Variants in SH3BGRL observed in about 807,000 individuals in gnomAD.
SH3BGRL encodes the protein adapter SH3BGRL.
SH3BGRL carries 7 observed loss-of-function variants against 9.8 expected under a neutral mutation model. That is an observed-to-expected ratio of 0.72 (90% CI 0.41 to 1.35). The LOEUF is 1.35. SH3BGRL is among the 40% of genes most tolerant of loss of function. The probability of loss-of-function intolerance (pLI) is 0.01; values close to 1 mark genes in which losing one functional copy is unlikely to be tolerated. For synonymous variants in SH3BGRL, 36 were observed against 29.1 expected (o/e 1.24, Z -0.76); for missense variants, 73 against 84.4 (o/e 0.86, Z 0.53).
intron 1 of SH3BGRL, among the ~76,000 whole-genome samples, chrX:81,212,839 T>C (rs1337584475): frequency 8.9e-6 from 1 of 112,167 alleles, no homozygotes; most frequent in East Asian, 2.8e-4. Context: ...CTAGGTTTCA[T>C]GAAAACTCAA....
At chrX:81,206,269 T>C (rs916359447) in intron 1 of SH3BGRL, among the ~76,000 whole-genome samples, 1 of 111,481 alleles carries the variant, frequency 9.0e-6, no homozygotes, top group Admixed American at 9.6e-5. Flanking sequence ...TTTGAGGTTT[T>C]ACCCAAAAAA....
chrX:81,277,992 C>G (rs931249976), intron 2 of SH3BGRL, among the ~76,000 whole-genome samples: 11 of 111,694 alleles, frequency 9.8e-5, no homozygotes, highest in African/African-American at 2.9e-4. Context: ...GATGGAGTTT[C>G]CCTCCTGTTG....
chrX:81,272,760 A>G (rs1176762521), intron 1 of SH3BGRL, among the ~76,000 whole-genome samples: 2 of 110,736 alleles, frequency 1.8e-5, no homozygotes, highest in Non-Finnish European at 3.8e-5. Context: ...CGGCTTCCCA[A>G]AGTGCTGGGA....
intron 1 of SH3BGRL, among the ~76,000 whole-genome samples, chrX:81,264,856 T>A (rs1405970877): frequency 9.1e-6 from 1 of 110,346 alleles, no homozygotes; most frequent in Non-Finnish European, 1.9e-5. Flanking sequence ...TCTGAAGAAA[T>A]GGGAAAATGA....
rs371252205 is a variant in SH3BGRL at position 81,233,010 on chromosome X, C to T, written c.45+30765C>T. Among the ~76,000 whole-genome samples, 13 of 111,515 alleles carry T rather than the reference C, an allele frequency of 1.2e-4. No homozygotes were observed. The East Asian group carries it at 2.2e-3, about 19-fold the overall frequency. On this transcript the variant is annotated intron_variant, in intron 1 of 3. Transcript: ENST00000373212. ...TGCTAGAGATGACTACTGCCTCATTCTTCTCACTGGAGGATATCATACAAC... is the reference window on the plus strand; with the variant it reads ...TGCTAGAGATGACTACTGCCTCATTTTTCTCACTGGAGGATATCATACAAC...
chrX:81,281,699 A>G lies in SH3BGRL; in HGVS notation c.312+3288A>G, dbSNP rs536432676. ...AATCCTGGAAACACATCAAAACAGA[A>G]CCTCTTTAAGGCATAAATCACACAG... On this transcript the variant is annotated intron_variant, in intron 3 of 3. Transcript: ENST00000373212. Among the ~76,000 whole-genome samples, 66 of 111,830 alleles carry G rather than the reference A, an allele frequency of 5.9e-4. No homozygotes were observed. The South Asian group carries it at 0.024, about 41-fold the overall frequency.
intron 1 of SH3BGRL, among the ~76,000 whole-genome samples, chrX:81,218,911 C>A (rs1305899934): frequency 9.2e-6 from 1 of 109,067 alleles, no homozygotes; most frequent in Non-Finnish European, 1.9e-5. Flanking sequence ...AAGGACTTCA[C>A]CAAAAAATCC....
At chrX:81,250,806 T>C (rs1353619551) in intron 1 of SH3BGRL, among the ~76,000 whole-genome samples, 3 of 112,160 alleles carry the variant, frequency 2.7e-5, no homozygotes, top group African/African-American at 9.7e-5. Context: ...TTTCCTTCAA[T>C]TGTACTGGTA....
chrX:81,274,151 CT>C (rs1303275073), intron 1 of SH3BGRL, among the ~76,000 whole-genome samples: 1 of 111,596 alleles, frequency 9.0e-6, no homozygotes, highest in Non-Finnish European at 1.9e-5. Context: ...TAAATGAACC[CT>C]TGTGACACCT....
chrX:81,292,435 G>A (rs1210228576), intron 3 of SH3BGRL, among the ~76,000 whole-genome samples: 2 of 111,623 alleles, frequency 1.8e-5, no homozygotes, highest in African/African-American at 6.5e-5. Context: ...GCTGCACAGA[G>A]CAGTGGAGCT....
At chrX:81,293,019 A>G (rs1296979075) in intron 3 of SH3BGRL, among the ~76,000 whole-genome samples, 1 of 112,248 alleles carries the variant, frequency 8.9e-6, no homozygotes. Context: ...CTGCATCCAA[A>G]TCTCATCTTG....
intron 1 of SH3BGRL, among the ~76,000 whole-genome samples, chrX:81,249,790 A>G (rs1190703858): frequency 8.9e-6 from 1 of 111,807 alleles, no homozygotes; most frequent in Non-Finnish European, 1.9e-5. Flanking sequence ...GAAAGTAACT[A>G]TGCAAGTAGT....
intron 1 of SH3BGRL, among the ~76,000 whole-genome samples, chrX:81,213,952 A>G (rs1241778191): frequency 1.8e-5 from 2 of 111,559 alleles, no homozygotes; most frequent in Non-Finnish European, 3.8e-5. Flanking sequence ...ACTTCAAACT[A>G]TGGAAAAGAA....
At chrX:81,249,834 T>C (rs986788978) in intron 1 of SH3BGRL, among the ~76,000 whole-genome samples, 2 of 111,432 alleles carry the variant, frequency 1.8e-5, no homozygotes, top group Non-Finnish European at 3.8e-5. Context: ...AATTTTAATC[T>C]TAAAAACTAG....
At chrX:81,254,999 C>A (rs1330907216) in intron 1 of SH3BGRL, among the ~76,000 whole-genome samples, 1 of 108,707 alleles carries the variant, frequency 9.2e-6, no homozygotes, top group Non-Finnish European at 1.9e-5. Context: ...AAGCGATTCT[C>A]CTGCCTCAGC....
chrX:81,240,475 G>A (rs924185792), intron 1 of SH3BGRL, among the ~76,000 whole-genome samples: 19 of 111,780 alleles, frequency 1.7e-4, no homozygotes, highest in Non-Finnish European at 1.1e-4. Flanking sequence ...ATTAAATAGC[G>A]GGGCGTTAAC....
At chrX:81,291,397 T>C (rs1236487354) in intron 3 of SH3BGRL, among the ~76,000 whole-genome samples, 1 of 110,959 alleles carries the variant, frequency 9.0e-6, no homozygotes, top group African/African-American at 3.3e-5. Flanking sequence ...CTACACACTT[T>C]TAGACAAGCA....
intron 1 of SH3BGRL, among the ~76,000 whole-genome samples, chrX:81,267,751 T>A (rs2075762648): frequency 8.9e-6 from 1 of 111,907 alleles, no homozygotes; most frequent in African/African-American, 3.3e-5. Flanking sequence ...TTCCTCTTTT[T>A]CTGTTGATTG....
At chrX:81,254,717 G>A (rs2075720270) in intron 1 of SH3BGRL, among the ~76,000 whole-genome samples, 1 of 111,662 alleles carries the variant, frequency 9.0e-6, no homozygotes, top group South Asian at 3.8e-4. Flanking sequence ...CCAGCCTAGA[G>A]AGGGTGACCA....
Sources: allele counts gnomAD v4.1 joint callset (sites outside exome capture counted in the v4.1 genomes callset), GRCh38; gene constraint gnomAD v4.1.1; transcripts MANE v1.5; gene names NCBI Gene and HGNC (gene_info 2026-07-23, HGNC 2026-07-21).